VWA8: variants seen among roughly 807,000 people sequenced by gnomAD.
VWA8 encodes the protein von Willebrand factor A domain-containing protein 8.
A neutral mutation model predicts 241.5 loss-of-function variants in VWA8; 221 were observed. The ratio of observed to expected loss-of-function variants is 0.91; its 90% CI spans 0.82 to 1.02. The LOEUF is 1.02. Ranked by LOEUF, VWA8 falls within the 50% of genes least tolerant of loss-of-function variation. The probability of loss-of-function intolerance (pLI) is 0.00; values close to 1 mark genes in which losing one functional copy is unlikely to be tolerated. For missense variants in VWA8, 2,322 were observed against 2,328.7 expected (o/e 1.00, Z 0.06); for synonymous variants, 852 against 827.1 (o/e 1.03, Z -0.52).
In VWA8 at chr13:41,817,627, A is replaced by G. The variant is rs1481713720; in HGVS notation, c.1870-852T>C. On this transcript the variant is annotated intron_variant, in intron 15 of 44. Coordinates refer to ENST00000379310, the MANE Select transcript of VWA8 (RefSeq NM_015058.2). Reference sequence around the variant, plus strand: ...TCAATCCTATGATGTAATAAATAGTATTATCCCCATTTTTAGATGAGGAAA... The same window carrying G: ...TCAATCCTATGATGTAATAAATAGTGTTATCCCCATTTTTAGATGAGGAAA... 2.3e-4 allele frequency among the ~76,000 whole-genome samples: 35 copies of G among 152,194 alleles called. 1 individual carries two copies. The highest frequency in any genetic ancestry group is 2.3e-3 in the Admixed American group (35 of 15,278).
At chr13:41,815,141 G>A (rs371016841) in intron 16 of VWA8, among the ~76,000 whole-genome samples, 1 of 152,174 alleles carries the variant, frequency 6.6e-6, no homozygotes, top group Non-Finnish European at 1.5e-5. Flanking sequence ...AAAACACCAA[G>A]TGGCAAAGGC....
chr13:41,927,078 C>G, intron 2 of VWA8: 1 of 380,146 alleles, frequency 2.6e-6, no homozygotes, highest in South Asian at 2.1e-5. Context: ...GATGCCTAAA[C>G]TAAGCTGAAT....
At chr13:41,643,975 G>T (rs765538549) in intron 37 of VWA8, among the ~76,000 whole-genome samples, 2 of 152,042 alleles carry the variant, frequency 1.3e-5, no homozygotes, top group Non-Finnish European at 2.9e-5. Flanking sequence ...CTCTTAAGGA[G>T]CAAGCATCTG....
At chr13:41,719,200 C>T (rs4533168) in intron 26 of VWA8, 20,453 of 426,916 alleles carry the variant, frequency 0.048, 585 homozygotes, top group East Asian at 0.12. Flanking sequence ...ATAAAGAAAA[C>T]TATATAGTAA....
At chr13:41,744,849 A>T (rs942580827) in intron 21 of VWA8, among the ~76,000 whole-genome samples, 1 of 147,548 alleles carries the variant, frequency 6.8e-6, no homozygotes, top group Non-Finnish European at 1.5e-5. Flanking sequence ...TTATTTATTT[A>T]TTTTTTGAGA....
intron 37 of VWA8, among the ~76,000 whole-genome samples, chr13:41,639,331 A>C (rs992995998): frequency 6.6e-6 from 1 of 152,226 alleles, no homozygotes; most frequent in African/African-American, 2.4e-5. Flanking sequence ...GACAAACTGC[A>C]AATATTTGAA....
At chr13:41,950,514 G>A (rs1483752894) in intron 1 of VWA8, among the ~76,000 whole-genome samples, 3 of 143,154 alleles carry the variant, frequency 2.1e-5, no homozygotes, top group Admixed American at 7.0e-5. Flanking sequence ...GATTACAGGC[G>A]CCTGCCACCA....
chr13:41,933,434 C>CT lies in VWA8; in HGVS notation c.241+16501dup, dbSNP rs1344316435. On this transcript the variant is annotated intron_variant, in intron 2 of 44. Coordinates refer to ENST00000379310, the MANE Select transcript of VWA8 (RefSeq NM_015058.2). ...AATCCCCATTAAAAATCCCAGCAGG[C>CT]TTTTTTGTTGTTTTATAAATTGACA... 5.9e-5 allele frequency among the ~76,000 whole-genome samples: 9 copies of CT among 152,106 alleles called. 1 individual carries two copies. In the South Asian group the frequency reaches 1.9e-3, roughly 32 times the overall value.
chr13:41,654,579 A>G (rs563722225), intron 37 of VWA8, among the ~76,000 whole-genome samples: 1 of 152,328 alleles, frequency 6.6e-6, no homozygotes, highest in African/African-American at 2.4e-5. Context: ...CGCTCCTGTG[A>G]GAATCTACTG....
At chr13:41,818,651 C>G (rs1870809294) in intron 15 of VWA8, among the ~76,000 whole-genome samples, 1 of 152,108 alleles carries the variant, frequency 6.6e-6, no homozygotes, top group African/African-American at 2.4e-5. Context: ...AAAGTGCTAA[C>G]CACAATGCTT....
intron 18 of VWA8, among the ~76,000 whole-genome samples, chr13:41,784,707 T>TATATATAC (rs1330953056): frequency 3.0e-5 from 2 of 66,196 alleles, no homozygotes; most frequent in Non-Finnish European, 6.5e-5. Context: ...CATATATATA[T>TATATATAC]ATATATATAT....
intron 42 of VWA8, among the ~76,000 whole-genome samples, chr13:41,580,119 T>G (rs750292896): frequency 1.5e-4 from 23 of 151,870 alleles, no homozygotes; most frequent in Non-Finnish European, 3.1e-4. Flanking sequence ...CCTCCCAAAG[T>G]GCTGGAATTA....
Position 41,741,424 on chromosome 13 carries a change from A to C in VWA8, c.2427-9269T>G, listed in dbSNP as rs76536123. On this transcript the variant is annotated intron_variant, in intron 21 of 44. Coordinates refer to ENST00000379310, the MANE Select transcript of VWA8 (RefSeq NM_015058.2). The stretch of plus-strand genomic sequence containing the variant: ...ATAAATGGTTATGGCCCATTCCTTA[A>C]ACACTCAGCTCAAATCTCACCTCCT... Among the ~76,000 whole-genome samples, 935 of 152,224 alleles carry C rather than the reference A, an allele frequency of 6.1e-3. 8 individuals are homozygous for C. Among genetic ancestry groups the C allele is most frequent in the African/African-American group, 0.022 (893 of 41,520 alleles).
intron 39 of VWA8, among the ~76,000 whole-genome samples, chr13:41,608,395 A>G (rs2044566306): frequency 6.6e-6 from 1 of 152,202 alleles, no homozygotes; most frequent in Non-Finnish European, 1.5e-5. Context: ...CAGGCCCACA[A>G]AACTAGCTGG....
At chr13:41,689,646 G>T in intron 33 of VWA8, 138 bp from the exon 34 acceptor site, 1 of 874,764 alleles carries the variant, frequency 1.1e-6, no homozygotes, top group Non-Finnish European at 1.6e-6. Flanking sequence ...ACATTCATGG[G>T]CTTTTGTTTG....
chr13:41,590,824 T>C, intron 40 of VWA8, 59 bp from the exon 41 acceptor site: 6 of 1,589,276 alleles, frequency 3.8e-6, no homozygotes, highest in Non-Finnish European at 5.2e-6. Context: ...GTCTCTGACA[T>C]ACTTTGTGCA....
chr13:41,897,882 T>G (rs1167063722), intron 4 of VWA8, among the ~76,000 whole-genome samples: 2 of 152,094 alleles, frequency 1.3e-5, no homozygotes, highest in Admixed American at 6.5e-5. Flanking sequence ...CTGCTTTTAT[T>G]CTGCTAGCTG....
At chr13:41,635,677 G>A (rs2044751913) in intron 37 of VWA8, among the ~76,000 whole-genome samples, 1 of 152,134 alleles carries the variant, frequency 6.6e-6, no homozygotes, top group African/African-American at 2.4e-5. Context: ...GCAGAGAGCA[G>A]GTGGGATCCT....
Position 41,917,355 on chromosome 13 carries a change from CTG to C in VWA8, c.242-5189_242-5188del, listed in dbSNP as rs1244830957. Reference sequence around the variant, plus strand: ...GACAGACCTACTGTGATTTTTCATCCTGTCTTTTATCCATGTCCTTAGACAAG... The same window carrying C: ...GACAGACCTACTGTGATTTTTCATCCTCTTTTATCCATGTCCTTAGACAAG... On this transcript the variant is annotated intron_variant, in intron 2 of 44. Transcript: ENST00000379310. 2.6e-5 allele frequency among the ~76,000 whole-genome samples: 4 copies of C among 152,094 alleles called. No homozygotes were observed. In the East Asian group the frequency reaches 7.7e-4, roughly 29 times the overall value.
Sources: allele counts gnomAD v4.1 joint callset (sites outside exome capture counted in the v4.1 genomes callset), GRCh38; gene constraint gnomAD v4.1.1; transcripts MANE v1.5; gene names NCBI Gene and HGNC (gene_info 2026-07-23, HGNC 2026-07-21).